The following NAALADL2 variants were observed in gnomAD, a reference collection of about 807,000 sequenced individuals.
The protein encoded by NAALADL2 is N-acetylated alpha-linked acidic dipeptidase like 2, also known as inactive N-acetylated-alpha-linked acidic dipeptidase-like protein 2.
NAALADL2 carries 76 observed loss-of-function variants against 87.2 expected under a neutral mutation model. The ratio of observed to expected loss-of-function variants is 0.87; its 90% CI spans 0.72 to 1.05. The LOEUF (loss-of-function observed/expected upper bound fraction) is 1.05. Ranked by LOEUF, NAALADL2 falls within the 50% of genes least tolerant of loss-of-function variation. The probability of loss-of-function intolerance (pLI) is 0.00; values close to 1 mark genes in which losing one functional copy is unlikely to be tolerated. For missense variants in NAALADL2, 1,089 were observed against 945.8 expected (o/e 1.15, Z -1.99); for synonymous variants, 354 against 331.0 (o/e 1.07, Z -0.75).
chr3:174,643,478 C>T (rs1723465758), intron 2 of NAALADL2, among the ~76,000 whole-genome samples: 1 of 152,036 alleles, frequency 6.6e-6, no homozygotes, highest in African/African-American at 2.4e-5. Context: ...CACAATGAAA[C>T]CCTGTCTCTA....
At chr3:175,783,882 T>C (rs1483724390) in intron 13 of NAALADL2, among the ~76,000 whole-genome samples, 2 of 142,796 alleles carry the variant, frequency 1.4e-5, no homozygotes, top group Non-Finnish European at 3.0e-5. Context: ...ATCCCATCGA[T>C]ACCTAATTTA....
chr3:175,507,949 T>A (rs1162095242), intron 9 of NAALADL2, among the ~76,000 whole-genome samples: 2 of 152,194 alleles, frequency 1.3e-5, no homozygotes, highest in African/African-American at 4.8e-5. Context: ...GAGGTTTAAT[T>A]GGCCCATGGT....
At chr3:174,792,971 A>G (rs1474539152) in intron 3 of NAALADL2, among the ~76,000 whole-genome samples, 1 of 152,108 alleles carries the variant, frequency 6.6e-6, no homozygotes, top group Admixed American at 6.6e-5. Context: ...GGATGGACTT[A>G]TGTAAGATAA....
intron 2 of NAALADL2, among the ~76,000 whole-genome samples, chr3:174,657,291 G>C (rs1186747711): frequency 6.6e-6 from 1 of 151,844 alleles, no homozygotes; most frequent in Non-Finnish European, 1.5e-5. Flanking sequence ...AGGATTACAG[G>C]AACCTGAGGA....
At chr3:175,488,108 C>T (rs1727566028) in intron 9 of NAALADL2, among the ~76,000 whole-genome samples, 1 of 152,146 alleles carries the variant, frequency 6.6e-6, no homozygotes, top group South Asian at 2.1e-4. Context: ...TCAGAAAAAA[C>T]ATTGCCCTTC....
chr3:175,259,120 C>G (rs1750580233), intron 4 of NAALADL2, among the ~76,000 whole-genome samples: 1 of 152,168 alleles, frequency 6.6e-6, no homozygotes, highest in Admixed American at 6.5e-5. Flanking sequence ...CTTTAAACAT[C>G]TGTGAGCCCC....
chr3:175,633,939 A>G (rs1340930167), intron 11 of NAALADL2, among the ~76,000 whole-genome samples: 1 of 151,842 alleles, frequency 6.6e-6, no homozygotes, highest in African/African-American at 2.4e-5. Context: ...TAGGAATAAT[A>G]TGGTATTGAT....
intron 2 of NAALADL2, among the ~76,000 whole-genome samples, chr3:175,185,319 A>C (rs906430647): frequency 6.6e-6 from 1 of 152,092 alleles, no homozygotes; most frequent in Non-Finnish European, 1.5e-5. Flanking sequence ...ACTTGTCTAC[A>C]TATGCACAAG....
chr3:175,605,923 A>G (rs967974228), intron 10 of NAALADL2, among the ~76,000 whole-genome samples: 1 of 152,146 alleles, frequency 6.6e-6, no homozygotes, highest in Non-Finnish European at 1.5e-5. Context: ...GTAGCTCAGT[A>G]TCCTTTGGTG....
intron 5 of NAALADL2, among the ~76,000 whole-genome samples, chr3:175,429,770 A>G (rs1385808864): frequency 6.6e-6 from 1 of 152,056 alleles, no homozygotes; most frequent in Non-Finnish European, 1.5e-5. Flanking sequence ...TCCACAAAGA[A>G]TAATAAAAGA....
intron 3 of NAALADL2, among the ~76,000 whole-genome samples, chr3:174,847,803 T>TG (rs1408803416): frequency 4.2e-5 from 5 of 118,812 alleles, no homozygotes; most frequent in Non-Finnish European, 7.2e-5. Context: ...AGTATGTATT[T>TG]GAAAAAAAAA....
chr3:174,977,093 A>G (rs938863815), intron 1 of NAALADL2, among the ~76,000 whole-genome samples: 3 of 152,212 alleles, frequency 2.0e-5, no homozygotes, highest in African/African-American at 4.8e-5. Context: ...ATGTAAAAAT[A>G]TGACATTTTG....
intron 13 of NAALADL2, among the ~76,000 whole-genome samples, chr3:175,788,747 T>C (rs1337750793): frequency 6.6e-6 from 1 of 152,206 alleles, no homozygotes; most frequent in African/African-American, 2.4e-5. Context: ...GTCACATAAA[T>C]ATATTTCTTA....
At chr3:175,150,409 TC>T (rs1731374612) in intron 2 of NAALADL2, among the ~76,000 whole-genome samples, 1 of 152,164 alleles carries the variant, frequency 6.6e-6, no homozygotes, top group African/African-American at 2.4e-5. Context: ...ATTCCCCTTT[TC>T]CATTTTTTTC....
intron 9 of NAALADL2, among the ~76,000 whole-genome samples, chr3:175,503,725 T>A (rs2149375231): frequency 6.6e-6 from 1 of 152,356 alleles, no homozygotes; most frequent in East Asian, 1.9e-4. Flanking sequence ...CACGTGTGTC[T>A]TCTTTTGAAA....
chr3:175,395,559 C>A (rs898346273), intron 5 of NAALADL2, among the ~76,000 whole-genome samples: 8 of 152,272 alleles, frequency 5.3e-5, no homozygotes, highest in South Asian at 2.1e-4. Context: ...AAGATCCCAA[C>A]AACAGCCCTG....
intron 4 of NAALADL2, among the ~76,000 whole-genome samples, chr3:175,274,199 T>C (rs1581220148): frequency 6.6e-6 from 1 of 152,134 alleles, no homozygotes; most frequent in African/African-American, 2.4e-5. Flanking sequence ...CAAGAAGGTG[T>C]GTGCAGGGGA....
intron 11 of NAALADL2, among the ~76,000 whole-genome samples, chr3:175,694,519 GT>G (rs1029089710): frequency 2.6e-5 from 4 of 152,010 alleles, no homozygotes; most frequent in Non-Finnish European, 5.9e-5. Flanking sequence ...GCTCATTCTT[GT>G]TATTTTCTTG....
intron 2 of NAALADL2, among the ~76,000 whole-genome samples, chr3:174,581,783 A>T (rs1037106375): frequency 2.0e-5 from 3 of 152,146 alleles, no homozygotes; most frequent in African/African-American, 7.2e-5. Flanking sequence ...GGACTGATGC[A>T]TGTCATCTCT....
Sources: allele counts gnomAD v4.1 joint callset (sites outside exome capture counted in the v4.1 genomes callset), GRCh38; gene constraint gnomAD v4.1.1; transcripts MANE v1.5; gene names NCBI Gene and HGNC (gene_info 2026-07-23, HGNC 2026-07-21).